The following FGFR1 variants were observed in gnomAD, a reference collection of about 807,000 sequenced individuals.
FGFR1 encodes FGFR1/PLAG1 fusion.
FGFR1 carries 18 observed loss-of-function variants against 93.7 expected under a neutral mutation model. The ratio of observed to expected loss-of-function variants is 0.19; its 90% CI spans 0.13 to 0.28. The LOEUF is 0.28. FGFR1 is among the 10% of genes least tolerant of loss of function. FGFR1 has a pLI of 1.00. For missense variants in FGFR1, 731 were observed against 1,080.4 expected, an observed-to-expected ratio of 0.68 and a Z score of 4.53; for synonymous variants, 448 against 429.3, an observed-to-expected ratio of 1.04 and a Z score of -0.54.
intron 8 of FGFR1, 57 bp from the exon 9 acceptor site, chr8:38,419,792 C>A (rs1818063377): frequency 6.7e-7 from 1 of 1,490,388 alleles, no homozygotes; most frequent in South Asian, 1.2e-5. Context: ...CATGCGAGGT[C>A]CCGCTCCATT....
intron 1 of FGFR1, chr8:38,465,783 G>A (rs1039243464): frequency 4.6e-6 from 1 of 217,648 alleles, no homozygotes; most frequent in African/African-American, 2.2e-5. Flanking sequence ...CGGGCCAAGG[G>A]AGGAAAATGG....
intron 1 of FGFR1, 89 bp downstream of exon 1, chr8:38,467,892 G>T (rs1176814229): frequency 4.5e-6 from 1 of 224,540 alleles, no homozygotes; most frequent in Non-Finnish European, 8.9e-6. Context: ...GGGCTGCGGC[G>T]GGCAAAGCGC....
At chr8:38,416,307 T>C (rs1259884219) in intron 12 of FGFR1, among the ~76,000 whole-genome samples, 13 of 152,188 alleles carry the variant, frequency 8.5e-5, no homozygotes, top group Admixed American at 2.0e-4. Context: ...TATTTTGAGA[T>C]GGAGTCTCAC....
chr8:38,466,504 T>A (rs1586824380), intron 1 of FGFR1: 1 of 230,966 alleles, frequency 4.3e-6, no homozygotes, highest in Non-Finnish European at 8.6e-6. Context: ...GCCTCTTTAC[T>A]GCGCAATCCA....
chr8:38,466,671 G>A (rs2151489256), intron 1 of FGFR1: 1 of 225,958 alleles, frequency 4.4e-6, no homozygotes, highest in East Asian at 6.3e-5. Context: ...GGTCAAGACA[G>A]GCTGAAGAAT....
chr8:38,432,161 C>T (rs1823389193), intron 2 of FGFR1, among the ~76,000 whole-genome samples: 1 of 152,084 alleles, frequency 6.6e-6, no homozygotes, highest in Non-Finnish European at 1.5e-5. Context: ...GCATTTATTT[C>T]CCCCCAAGAG....
chr8:38,420,672 C>A (rs1013679610), intron 8 of FGFR1, among the ~76,000 whole-genome samples: 1 of 152,066 alleles, frequency 6.6e-6, no homozygotes, highest in African/African-American at 2.4e-5. Context: ...CTTTGCCCCA[C>A]GGGTGTGGAC....
chr8:38,441,057 G>C (rs779351374), intron 2 of FGFR1, among the ~76,000 whole-genome samples: 1 of 151,600 alleles, frequency 6.6e-6, no homozygotes, highest in South Asian at 2.1e-4. Context: ...CCCTGCACCC[G>C]CCCCGAGACC....
chr8:38,437,067 A>G (rs2151065537), intron 2 of FGFR1, among the ~76,000 whole-genome samples: 1 of 152,288 alleles, frequency 6.6e-6, no homozygotes, highest in South Asian at 2.1e-4. Context: ...TTTAGTAGAG[A>G]TGGAGTTTTG....
At position 38,424,278 on chromosome 8, in the gene FGFR1, A is replaced by G. The variant is rs1200353436; in HGVS notation, c.936+231T>C. On this transcript the variant is annotated intron_variant, in intron 7 of 17. Coordinates refer to ENST00000447712, the MANE Select transcript of FGFR1 (RefSeq NM_023110.3). This position sits in a 1 kb window ranked among gnomAD's most constrained non-coding sequence, Gnocchi z 4.3. ...TTGCTCTCAAAGCTTATTACAGACC[A>G]GCACCACCCATCCCTGCAGCCCTCT... 1 of 695,032 alleles carries G rather than the reference A, an allele frequency of 1.4e-6. No individual in the cohort carries two copies. The highest frequency in any genetic ancestry group is 2.8e-5 in the East Asian group (1 of 35,594). The allele number at this position is 695,032 out of a possible 1,614,324, so 43.1% of individuals were successfully genotyped here. A position where few individuals can be genotyped will look rare whatever the true frequency, so the allele number is the denominator to read the frequency against.
chr8:38,413,746 C>T lies in FGFR1; in HGVS notation c.2351G>A (p.Arg784Gln), dbSNP rs746602135. The change falls in exon 18 of 18, where the codon CGG (arginine) becomes CAG (glutamine). Residue 784 changes from arginine to glutamine, a missense_variant. Around this residue, in one of 10 missense-constraint regions of FGFR1, gnomAD observed 79 missense variants for 97.2 expected, o/e 0.81. Coordinates refer to ENST00000447712, the MANE Select transcript of FGFR1 (RefSeq NM_023110.3). The surrounding 1 kb of genome is among the most constrained non-coding windows in gnomAD (Gnocchi z 4.2). ...CTCCCCTGAGGAGCACGTAGAGCTC[C>T]GGGTGTCGGGAAAGCTGGGGGAGTA... ...DQYSPSFPDTRSSTCSSGEDS... is the reference protein window; with the variant it reads ...DQYSPSFPDTQSSTCSSGEDS... 190 of 1,613,956 alleles carry T rather than the reference C, an allele frequency of 1.2e-4. No individual in the cohort carries two copies. The highest frequency in any genetic ancestry group is 1.6e-4 in the Non-Finnish European group (184 of 1,180,002).
chr8:38,424,749 TAA>T lies in FGFR1; in HGVS notation c.746-52_746-51del. On this transcript the variant is annotated intron_variant, in intron 6 of 17. Transcript: ENST00000447712. The surrounding 1 kb of genome is among the most constrained non-coding windows in gnomAD (Gnocchi z 4.3). Reference sequence around the variant, plus strand: ...CTTGTCATGGGGACCTTGCCATGGCTAAAGAGGGGTGGGCTCACCTGCGCCCC... The same window carrying T: ...CTTGTCATGGGGACCTTGCCATGGCTAGAGGGGTGGGCTCACCTGCGCCCC... The T allele has an allele frequency of 6.3e-7, 1 of 1,580,822 alleles. No individual in the cohort carries two copies. Among genetic ancestry groups the T allele is most frequent in the East Asian group, 2.2e-5 (1 of 44,482 alleles).
At chr8:38,460,016 C>T (rs1833980505) in intron 1 of FGFR1, among the ~76,000 whole-genome samples, 1 of 152,094 alleles carries the variant, frequency 6.6e-6, no homozygotes, top group African/African-American at 2.4e-5. Flanking sequence ...AATTCCTCGT[C>T]TACTAAAAAT....
At chr8:38,457,770 G>C (rs1833269974) in intron 1 of FGFR1, among the ~76,000 whole-genome samples, 1 of 152,160 alleles carries the variant, frequency 6.6e-6, no homozygotes, top group Admixed American at 6.5e-5. Flanking sequence ...AGGATCACTT[G>C]AGGCCAGGAG....
At chr8:38,466,652 G>C (rs942448142) in intron 1 of FGFR1, 26 of 227,300 alleles carry the variant, frequency 1.1e-4, no homozygotes, top group Non-Finnish European at 2.0e-4. Context: ...AAATGTTAAG[G>C]AGGGAGGTGG....
chr8:38,459,156 C>T (rs919438253), intron 1 of FGFR1, among the ~76,000 whole-genome samples: 7 of 152,282 alleles, frequency 4.6e-5, no homozygotes, highest in African/African-American at 1.7e-4. Context: ...TTTCTGGGCA[C>T]TGTCAAGGCT....
chr8:38,420,291 G>A (rs954869408), intron 8 of FGFR1: 3 of 161,516 alleles, frequency 1.9e-5, no homozygotes, highest in Non-Finnish European at 4.1e-5. Flanking sequence ...TGAGGACAGA[G>A]GACAGGAGGG....
intron 7 of FGFR1, chr8:38,423,078 A>G (rs1450098615): frequency 9.0e-6 from 7 of 779,520 alleles, no homozygotes; most frequent in African/African-American, 6.8e-5. Flanking sequence ...AGCTTCACCA[A>G]TATAATTGGA....
rs185729862 is a variant in FGFR1 at position 38,411,237 on chromosome 8, T to C, written c.*2391A>G. ...AACAGCAAGGACATCACTGTAATTA[T>C]GATAGTGCCTTATATTTTTCTAGCA... On this transcript the variant is annotated 3_prime_UTR_variant, in exon 18 of 18. Coordinates refer to ENST00000447712, the MANE Select transcript of FGFR1 (RefSeq NM_023110.3). 4.1e-4 allele frequency: 84 copies of C among 207,138 alleles called. No individual in the cohort carries two copies. In the Middle Eastern group the frequency reaches 5.0e-3, roughly 12 times the overall value. 12.8% of individuals were successfully genotyped at this position (207,138 alleles called of 1,614,324 possible).
Sources: gnomAD v4.1 joint callset for allele counts (sites outside exome capture counted in the v4.1 genomes callset) on GRCh38, gnomAD v4.1.1 for gene constraint, gnomAD v4.1.1 regional missense constraint, Gnocchi (gnomAD v3.1) non-coding constraint, MANE v1.5 for transcripts, NCBI Gene and HGNC (gene_info 2026-07-23, HGNC 2026-07-21) for gene names.